The following AK5 variants were observed in gnomAD, a reference collection of about 807,000 sequenced individuals.
AK5 encodes the protein adenylate kinase 5.
In AK5, 27 loss-of-function variants were observed where a neutral mutation model predicts 69.5. That is an observed-to-expected ratio of 0.39 (90% CI 0.29 to 0.54). AK5 has a LOEUF of 0.54. AK5 is among the 20% of genes least tolerant of loss of function. The pLI, the probability that AK5 is intolerant of heterozygous loss-of-function variation, is 0.71. For synonymous variants in AK5, 260 were observed against 244.4 expected (o/e 1.06, Z -0.60); for missense variants, 531 against 700.4 (o/e 0.76, Z 2.73).
chr1:77,472,983 CAGAT>C (rs1654615887), intron 8 of AK5, among the ~76,000 whole-genome samples: 1 of 122,272 alleles, frequency 8.2e-6, no homozygotes, highest in Non-Finnish European at 1.8e-5. Context: ...TGAGCCCGCC[CAGAT>C]AATCCAGGAT....
rs1296451062 is a variant in AK5, at chr1:77,282,352, G to A, written c.39G>A (p.Arg13=). ...TNDAKEYLAR[R]EIPQLFESLL... ...ATGCCAAGGAGTATCTGGCCCGGAGGGAAATCCCTCAGCTTTTTGAGGTAG... is the reference window on the plus strand; with the variant it reads ...ATGCCAAGGAGTATCTGGCCCGGAGAGAAATCCCTCAGCTTTTTGAGGTAG... The change falls in exon 1 of 14, where the codon AGG becomes AGA. Residue 13 remains arginine, a synonymous_variant. Coordinates refer to ENST00000354567, the MANE Select transcript of AK5 (RefSeq NM_174858.3). 3 of 1,558,246 alleles carry A rather than the reference G, an allele frequency of 1.9e-6. No individual in the cohort carries two copies. Among genetic ancestry groups the A allele is most frequent in the Middle Eastern group, 1.7e-4 (1 of 5,998 alleles).
At chr1:77,292,054 G>A (rs1658717080) in intron 2 of AK5, among the ~76,000 whole-genome samples, 1 of 152,184 alleles carries the variant, frequency 6.6e-6, no homozygotes, top group Non-Finnish European at 1.5e-5. Context: ...AGTCTATTGT[G>A]ATATTCCAGG....
At chr1:77,361,138 CT>C (rs1646855228) in intron 6 of AK5, among the ~76,000 whole-genome samples, 1 of 152,188 alleles carries the variant, frequency 6.6e-6, no homozygotes, top group South Asian at 2.1e-4. Flanking sequence ...CTTTCAGATC[CT>C]ATATTTTACT....
intron 10 of AK5, among the ~76,000 whole-genome samples, chr1:77,508,894 A>T (rs1312243131): frequency 6.6e-6 from 1 of 150,794 alleles, no homozygotes; most frequent in Non-Finnish European, 1.5e-5. Context: ...GAAGGTGGGG[A>T]TGAGTAATCC....
chr1:77,397,506 T>C (rs1219954914), intron 6 of AK5, among the ~76,000 whole-genome samples: 1 of 152,218 alleles, frequency 6.6e-6, no homozygotes, highest in African/African-American at 2.4e-5. Context: ...GCAGCTACTT[T>C]ACTATCCAGA....
chr1:77,334,857 G>A lies in AK5; in HGVS notation c.700-5520G>A, dbSNP rs563410170. ...TTACTTTCTAGAGCCTCTTCCCCTG[G>A]GTGGGCCCCATATATCACTTTTTGT... On this transcript the variant is annotated intron_variant, in intron 5 of 13. Transcript: ENST00000354567. Among the ~76,000 whole-genome samples, 20 of 151,918 alleles carry A rather than the reference G, an allele frequency of 1.3e-4. No homozygotes were observed. In the South Asian group the frequency reaches 2.3e-3, roughly 17 times the overall value.
At chr1:77,437,638 T>G (rs1464274465) in intron 8 of AK5, among the ~76,000 whole-genome samples, 1 of 152,190 alleles carries the variant, frequency 6.6e-6, no homozygotes, top group Non-Finnish European at 1.5e-5. Flanking sequence ...CATTTTCATT[T>G]TAGATAGCAC....
intron 10 of AK5, among the ~76,000 whole-genome samples, chr1:77,491,103 C>T (rs1395905639): frequency 1.3e-5 from 2 of 151,992 alleles, no homozygotes; most frequent in African/African-American, 4.8e-5. Flanking sequence ...AAGTAGTGAA[C>T]TTTGGGAGGT....
intron 6 of AK5, among the ~76,000 whole-genome samples, chr1:77,385,694 G>A (rs1647977816): frequency 6.6e-6 from 1 of 152,172 alleles, no homozygotes; most frequent in South Asian, 2.1e-4. Context: ...GGTAACACAG[G>A]AAATGCGAGA....
At chr1:77,541,113 T>C (rs1254877928) in intron 13 of AK5, among the ~76,000 whole-genome samples, 2 of 152,152 alleles carry the variant, frequency 1.3e-5, no homozygotes, top group East Asian at 3.9e-4. Context: ...TCTCTTATGT[T>C]GGCCAGGCTG....
intron 12 of AK5, among the ~76,000 whole-genome samples, chr1:77,524,753 C>T (rs1658180036): frequency 6.6e-6 from 1 of 152,016 alleles, no homozygotes; most frequent in South Asian, 2.1e-4. Context: ...TTGGTGTAGT[C>T]CAATTTATCT....
intron 5 of AK5, among the ~76,000 whole-genome samples, chr1:77,298,541 C>T (rs934163399): frequency 1.3e-5 from 2 of 151,800 alleles, no homozygotes; most frequent in Admixed American, 1.3e-4. Context: ...CAGTGGCTCA[C>T]GCCTGTAATC....
In AK5 at chr1:77,394,118, G is replaced by A. The variant is rs182622662; in HGVS notation, c.892-16863G>A. On this transcript the variant is annotated intron_variant, in intron 6 of 13. Coordinates refer to ENST00000354567, the MANE Select transcript of AK5 (RefSeq NM_174858.3). ...TAGTTCCAGCTACTCGGGAGGCTGA[G>A]GCAGGAGAATGGAGTGAACCCGGGA... Among the ~76,000 whole-genome samples the A allele has an allele frequency of 4.8e-4, 73 of 152,062 alleles. 2 individuals are homozygous for A. In the East Asian group the frequency reaches 0.011, roughly 24 times the overall value.
chr1:77,297,660 A>T lies in AK5; in HGVS notation c.517A>T (p.Ser173Cys), dbSNP rs1199779047. The T allele has an allele frequency of 1.2e-6, 2 of 1,613,912 alleles. No homozygotes were observed. The highest frequency in any genetic ancestry group is 1.7e-6 in the Non-Finnish European group (2 of 1,179,956). Residue 173 changes from serine to cysteine, a missense_variant, in exon 4 of 14, where the codon AGT becomes TGT. Ser to Cys is a moderately radical substitution (Grantham distance 112). Transcript: ENST00000354567. ...AGAATTATTAAGAAAGAAGATCCAC[A>T]GTACCAGCAGCAATAGGAAATGGAG... is the stretch of plus-strand genomic sequence containing the variant. ...VGELLRKKIHSTSSNRKWSLI... is the reference protein window; with the variant it reads ...VGELLRKKIHCTSSNRKWSLI...
intron 13 of AK5, among the ~76,000 whole-genome samples, chr1:77,555,363 C>T (rs1038589858): frequency 1.3e-5 from 2 of 152,162 alleles, no homozygotes; most frequent in African/African-American, 4.8e-5. Context: ...TCTTCATAGC[C>T]TAGCCTGTCC....
chr1:77,286,584 T>C (rs1478424874), intron 1 of AK5, among the ~76,000 whole-genome samples: 1 of 151,982 alleles, frequency 6.6e-6, no homozygotes, highest in Non-Finnish European at 1.5e-5. Context: ...CAGTGGCTCA[T>C]GCCTGTAATC....
rs183889560 is a variant in AK5, at chr1:77,513,355, C to T, written c.1148-5209C>T. Among the ~76,000 whole-genome samples, 5 of 152,250 alleles carry T rather than the reference C, an allele frequency of 3.3e-5. No homozygotes were observed. In the East Asian group the frequency reaches 7.7e-4, roughly 24 times the overall value. On this transcript the variant is annotated intron_variant, in intron 10 of 13. Coordinates refer to ENST00000354567, the MANE Select transcript of AK5 (RefSeq NM_174858.3). ...TGTGATGATGGTTCCCCTGTCCATC[C>T]TCCCCACTAGATTGTGACCTCTCTG...
chr1:77,363,518 C>T lies in AK5; in HGVS notation c.891+22950C>T, dbSNP rs557458608. On this transcript the variant is annotated intron_variant, in intron 6 of 13. Transcript: ENST00000354567. The stretch of plus-strand genomic sequence containing the variant: ...TATTTGAACCCTTCAATGACATTCA[C>T]TCTCACTCAGAATTAAATCCAAAGT... 1.2e-3 allele frequency among the ~76,000 whole-genome samples: 182 copies of T among 152,304 alleles called. No individual in the cohort carries two copies. The Middle Eastern group carries it at 0.014, about 11-fold the overall frequency.
chr1:77,369,857 AAAAC>A (rs1187343000), intron 6 of AK5, among the ~76,000 whole-genome samples: 9 of 152,250 alleles, frequency 5.9e-5, no homozygotes, highest in Admixed American at 2.6e-4. Context: ...TTATTAAAGG[AAAAC>A]AAACAAGTTT....
Sources: gnomAD v4.1 joint callset for allele counts (sites outside exome capture counted in the v4.1 genomes callset) on GRCh38, gnomAD v4.1.1 for gene constraint, MANE v1.5 for transcripts, NCBI Gene and HGNC (gene_info 2026-07-23, HGNC 2026-07-21) for gene names.